Variants in ATG7 observed in about 807,000 individuals in gnomAD.
ATG7 encodes the protein ubiquitin-like modifier-activating enzyme ATG7.
Under a neutral mutation model 82.4 loss-of-function variants are expected in ATG7, and 70 were observed. That is an observed-to-expected ratio of 0.85 (90% confidence interval 0.70 to 1.04). ATG7 has a LOEUF of 1.04. Among genes scored for constraint, ATG7 ranks in the 50% least tolerant of loss-of-function variants. The pLI, the probability that ATG7 is intolerant of heterozygous loss-of-function variation, is 0.00. For missense variants in ATG7, 792 were observed against 864.3 expected, an observed-to-expected ratio of 0.92 and a Z score of 1.05; for synonymous variants, 287 against 313.0, an observed-to-expected ratio of 0.92 and a Z score of 0.88.
At chr3:11,568,618 T>C in the ATG7 span, 2 of 1,569,616 alleles carry the variant, frequency 1.3e-6, no homozygotes, top group African/African-American at 2.7e-5. This position sits in a 1 kb window ranked among gnomAD's most constrained non-coding sequence, Gnocchi z 5.9. Flanking sequence ...TCCAGCTCAT[T>C]TTCCTGGTTC....
intron 20 of ATG7, among the ~76,000 whole-genome samples, chr3:11,497,024 G>A (rs956367738): frequency 2.6e-5 from 4 of 151,378 alleles, no homozygotes; most frequent in African/African-American, 4.9e-5. Context: ...GCTAATTTTT[G>A]TATTTTAGTA....
intron 20 of ATG7, among the ~76,000 whole-genome samples, chr3:11,482,081 C>T (rs1388933858): frequency 6.6e-6 from 1 of 152,212 alleles, no homozygotes; most frequent in East Asian, 1.9e-4. Context: ...CCTAAGAATC[C>T]TCTTCTCTCT....
chr3:11,308,448 C>T (rs1281915314), intron 6 of ATG7: 1 of 153,738 alleles, frequency 6.5e-6, no homozygotes, highest in Non-Finnish European at 1.4e-5. Context: ...CACAGCATTT[C>T]CTTTGAGAGC....
At chr3:11,325,240 T>C (rs1341367570) in intron 9 of ATG7, among the ~76,000 whole-genome samples, 3 of 152,202 alleles carry the variant, frequency 2.0e-5, no homozygotes, top group Non-Finnish European at 1.5e-5. Flanking sequence ...TCGTTAAGCA[T>C]GACTGTCATG....
rs1553680145 is a variant in ATG7 at position 11,459,183 on chromosome 3, A to AC, written c.2079+32257_2079+32258insC. On this transcript the variant is annotated intron_variant, in intron 20 of 20. Transcript: ENST00000693202. ...GAGGGGGAGTCACTTTAAAAAAAAAAAAAAAACAGCAAAAACATCAGTCAT... is the reference window on the plus strand; with the variant it reads ...GAGGGGGAGTCACTTTAAAAAAAAAACAAAAAACAGCAAAAACATCAGTCAT... Among the ~76,000 whole-genome samples, 738 of 151,612 alleles carry AC rather than the reference A, an allele frequency of 4.9e-3. 7 individuals carry two copies. Among genetic ancestry groups the AC allele is most frequent in the African/African-American group, 0.017 (705 of 41,304 alleles).
intron 18 of ATG7, among the ~76,000 whole-genome samples, chr3:11,374,764 C>T (rs1353555420): frequency 4.6e-5 from 7 of 151,810 alleles, no homozygotes; most frequent in South Asian, 2.1e-4. Flanking sequence ...ATTAGCCAGG[C>T]GTGGTGGCGG....
intron 20 of ATG7, among the ~76,000 whole-genome samples, chr3:11,527,071 G>GTGTATA (rs1305045814): frequency 3.1e-4 from 39 of 127,424 alleles, no homozygotes; most frequent in Admixed American, 8.0e-4. Flanking sequence ...GTGTGTGTGT[G>GTGTATA]TATATATATA....
chr3:11,456,220 T>C (rs2085698598), intron 20 of ATG7, among the ~76,000 whole-genome samples: 2 of 152,202 alleles, frequency 1.3e-5, no homozygotes, highest in African/African-American at 2.4e-5. Flanking sequence ...GAACATCTCA[T>C]ATAAATGGAA....
At chr3:11,516,271 G>A (rs1575154095) in intron 20 of ATG7, among the ~76,000 whole-genome samples, 1 of 151,876 alleles carries the variant, frequency 6.6e-6, no homozygotes, top group East Asian at 1.9e-4. Context: ...CACCAACATG[G>A]CACATGTATA....
chr3:11,510,462 C>G, intron 20 of ATG7: 1 of 365,748 alleles, frequency 2.7e-6, no homozygotes, highest in Admixed American at 3.5e-5. Flanking sequence ...ACCCCCTCCC[C>G]CATCCCAGTG....
At chr3:11,565,670 C>G in the ATG7 span, among the ~76,000 whole-genome samples, 2 of 152,186 alleles carry the variant, frequency 1.3e-5, no homozygotes, top group Non-Finnish European at 2.9e-5. This position sits in a 1 kb window ranked among gnomAD's most constrained non-coding sequence, Gnocchi z 4.1. Context: ...CCAGGACACA[C>G]GAGCAGGAGT....
chr3:11,397,346 CA>C (rs2152886902), intron 19 of ATG7, among the ~76,000 whole-genome samples: 1 of 148,698 alleles, frequency 6.7e-6, no homozygotes, highest in African/African-American at 2.5e-5. Flanking sequence ...ATTTGTAATA[CA>C]ATTACTTTAT....
intron 20 of ATG7, among the ~76,000 whole-genome samples, chr3:11,552,887 A>C (rs1475329549): frequency 6.6e-6 from 1 of 152,188 alleles, no homozygotes; most frequent in Non-Finnish European, 1.5e-5. Context: ...AAAACCCAGT[A>C]AAATGGATGA....
At chr3:11,331,739 G>C (rs1463139577) in intron 10 of ATG7, among the ~76,000 whole-genome samples, 1 of 152,144 alleles carries the variant, frequency 6.6e-6, no homozygotes, top group East Asian at 1.9e-4. Flanking sequence ...GTTTCTTTCA[G>C]ATAGGATTTT....
rs573112642 is a variant in ATG7 at position 11,499,524 on chromosome 3, T to C, written c.2080-55287T>C. On this transcript the variant is annotated intron_variant, in intron 20 of 20. Coordinates refer to ENST00000693202, the MANE Select transcript of ATG7 (RefSeq NM_001349232.2). ...ACTTTGGGAGGCCGAGGAGGGCGGATCACCTGAGGTCAGGAGTTCGAGACC... is the reference window on the plus strand; with the variant it reads ...ACTTTGGGAGGCCGAGGAGGGCGGACCACCTGAGGTCAGGAGTTCGAGACC... Among the ~76,000 whole-genome samples, 4 of 152,148 alleles carry C rather than the reference T, an allele frequency of 2.6e-5. No individual in the cohort carries two copies. The East Asian group carries it at 7.7e-4, about 29-fold the overall frequency.
chr3:11,477,123 G>T (rs2153025911), intron 20 of ATG7: 1 of 1,289,800 alleles, frequency 7.8e-7, no homozygotes, highest in Non-Finnish European at 1.0e-6. Flanking sequence ...GAGCATGTTT[G>T]TACCTGCCAG....
chr3:11,453,291 T>C (rs1325589432), intron 20 of ATG7, among the ~76,000 whole-genome samples: 2 of 152,226 alleles, frequency 1.3e-5, no homozygotes, highest in Non-Finnish European at 2.9e-5. Flanking sequence ...TAACTTTTTT[T>C]CCACCTAGAA....
intron 20 of ATG7, among the ~76,000 whole-genome samples, chr3:11,519,190 C>T (rs62245930): frequency 2.0e-5 from 3 of 151,876 alleles, no homozygotes; most frequent in Non-Finnish European, 4.4e-5. Context: ...TTTTTTTAAC[C>T]AGCAAAAGGA....
At chr3:11,345,653 G>A (rs149343552) in intron 13 of ATG7, among the ~76,000 whole-genome samples, 30 of 151,884 alleles carry the variant, frequency 2.0e-4, no homozygotes, top group African/African-American at 6.5e-4. Flanking sequence ...CTCATATTAA[G>A]CCTTGCTAGA....
Sources: allele counts gnomAD v4.1 joint callset (sites outside exome capture counted in the v4.1 genomes callset), GRCh38; gene constraint gnomAD v4.1.1; non-coding constraint Gnocchi (gnomAD v3.1); transcripts MANE v1.5; gene names NCBI Gene and HGNC (gene_info 2026-07-23, HGNC 2026-07-21).